PRKD3: variants seen among roughly 807,000 people sequenced by gnomAD.
PRKD3 encodes the protein serine/threonine-protein kinase D3.
Under a neutral mutation model 99.2 loss-of-function variants are expected in PRKD3, and 47 were observed. That is an observed-to-expected ratio of 0.47 (90% CI 0.38 to 0.60). The LOEUF (loss-of-function observed/expected upper bound fraction) is 0.60. Ranked by LOEUF, PRKD3 falls within the 20% of genes least tolerant of loss-of-function variation. The pLI, the probability that PRKD3 is intolerant of heterozygous loss-of-function variation, is 0.00. For missense variants in PRKD3, 1,019 were observed against 1,088.4 expected (o/e 0.94, Z 0.90); for synonymous variants, 392 against 355.4 (o/e 1.10, Z -1.16).
intron 1 of PRKD3, among the ~76,000 whole-genome samples, chr2:37,323,136 G>A (rs1267053127): frequency 1.3e-5 from 2 of 150,986 alleles, no homozygotes; most frequent in East Asian, 1.9e-4. Context: ...TTAAATCCAC[G>A]AACAGAAAGA....
chr2:37,271,639 T>C (rs1053684020), intron 12 of PRKD3, among the ~76,000 whole-genome samples: 2 of 152,228 alleles, frequency 1.3e-5, no homozygotes, highest in Non-Finnish European at 1.5e-5. Flanking sequence ...GCAGAGGCAT[T>C]AGATTCTCAG....
At chr2:37,254,548 GGCTGAAGTCTGGTTCTGCCACCTACTA>G (rs770436024) in intron 17 of PRKD3, among the ~76,000 whole-genome samples, 56 of 152,162 alleles carry the variant, frequency 3.7e-4, no homozygotes, top group Non-Finnish European at 7.6e-4. Context: ...TGACTGCCTG[GGCTGAAGTCTGGTTCTGCCACCTACTA>G]GCTGTGTGAT....
intron 16 of PRKD3, 31 bp downstream of exon 16, chr2:37,259,552 A>G (rs901568939): frequency 4.6e-6 from 7 of 1,531,094 alleles, no homozygotes; most frequent in Non-Finnish European, 6.3e-6. Flanking sequence ...TGTTGCCAGA[A>G]TCATTTAAAA....
intron 14 of PRKD3, among the ~76,000 whole-genome samples, chr2:37,261,946 A>G (rs1473298359): frequency 6.6e-6 from 1 of 152,234 alleles, no homozygotes; most frequent in African/African-American, 2.4e-5. Context: ...TACATAAGAT[A>G]TTCAACACAT....
intron 8 of PRKD3, chr2:37,279,224 G>A (rs1287309916): frequency 6.6e-6 from 1 of 152,168 alleles, no homozygotes; most frequent in Non-Finnish European, 1.5e-5. Context: ...TATGAACATA[G>A]TGGCATATTT....
At chr2:37,324,374 C>G in intron 1 of PRKD3, 1 of 255,978 alleles carries the variant, frequency 3.9e-6, no homozygotes, top group Non-Finnish European at 6.1e-6. Context: ...CCAAGTTGCC[C>G]TCCGCGCGGA....
chr2:37,304,835 T>G (rs1380021361), intron 2 of PRKD3, among the ~76,000 whole-genome samples: 1 of 152,170 alleles, frequency 6.6e-6, no homozygotes, highest in East Asian at 1.9e-4. Flanking sequence ...CAAAGCAATC[T>G]TTTTTCATTC....
At position 37,253,068 on chromosome 2, in the gene PRKD3, T is replaced by C; in HGVS notation, c.*109A>G. 8.7e-7 allele frequency: 1 copy of C among 1,154,122 alleles called. No homozygotes were observed. The highest frequency in any genetic ancestry group is 1.2e-6 in the Non-Finnish European group (1 of 831,414). The allele number at this position is 1,154,122 out of a possible 1,614,324, so 71.5% of individuals were successfully genotyped here. A position where few individuals can be genotyped will look rare whatever the true frequency, so the allele number is the denominator to read the frequency against. Reference sequence around the variant, plus strand: ...TGGTGTCACTTATTCGTTATCATATTTCTTCATATCTTTGCAGCACTGCAG... The same window carrying C: ...TGGTGTCACTTATTCGTTATCATATCTCTTCATATCTTTGCAGCACTGCAG... On this transcript the variant is annotated 3_prime_UTR_variant, in exon 19 of 19. Transcript: ENST00000234179.
At chr2:37,322,788 C>T (rs193121833) in intron 1 of PRKD3, among the ~76,000 whole-genome samples, 2 of 152,146 alleles carry the variant, frequency 1.3e-5, no homozygotes, top group African/African-American at 4.8e-5. Flanking sequence ...CAAGTTCGAT[C>T]TGAATTACAT....
At position 37,253,030 on chromosome 2, in the gene PRKD3, T is replaced by C; in HGVS notation, c.*147A>G. ...GTTTCCCGCCTGTACCTACTCATTA[T>C]GAACTACAGTACTGGTGTCACTTAT... On this transcript the variant is annotated 3_prime_UTR_variant, in exon 19 of 19. Coordinates refer to ENST00000234179, the MANE Select transcript of PRKD3 (RefSeq NM_005813.6). 2 of 706,348 alleles carry C rather than the reference T, an allele frequency of 2.8e-6. No homozygotes were observed. The highest frequency in any genetic ancestry group is 4.2e-6 in the Non-Finnish European group (2 of 472,872). 43.8% of individuals were successfully genotyped at this position (706,348 alleles called of 1,614,324 possible).
intron 14 of PRKD3, among the ~76,000 whole-genome samples, chr2:37,264,072 T>A (rs1309348377): frequency 1.3e-5 from 2 of 152,166 alleles, no homozygotes; most frequent in African/African-American, 2.4e-5. Flanking sequence ...ACATTTTACA[T>A]TACCACATAA....
In PRKD3 at chr2:37,317,190, AT is replaced by A; in HGVS notation, c.-655-12del. On this transcript the variant is annotated splice_polypyrimidine_tract_variant and intron_variant, in intron 1 of 18. Coordinates refer to ENST00000234179, the MANE Select transcript of PRKD3 (RefSeq NM_005813.6). ...TGACATATAGTTAGCCTGGAAGGAAATTTTTTAAAGGTTTTTAATACTTTAT... is the reference window on the plus strand; with the variant it reads ...TGACATATAGTTAGCCTGGAAGGAAATTTTTAAAGGTTTTTAATACTTTAT... The A allele has an allele frequency of 1.0e-6, 1 of 956,022 alleles. No homozygotes were observed. The highest frequency in any genetic ancestry group is 1.2e-6 in the Non-Finnish European group (1 of 803,114). 59.2% of individuals were successfully genotyped at this position (956,022 alleles called of 1,614,324 possible). A position where few individuals can be genotyped will look rare whatever the true frequency, so the allele number is the denominator to read the frequency against.
chr2:37,254,635 G>C (rs1294693808), intron 17 of PRKD3, among the ~76,000 whole-genome samples: 46 of 152,152 alleles, frequency 3.0e-4, no homozygotes, highest in Non-Finnish European at 2.9e-5. Flanking sequence ...TCATGAAGTT[G>C]CTGACATATG....
At chr2:37,320,542 G>A (rs1292236292) in intron 1 of PRKD3, among the ~76,000 whole-genome samples, 1 of 137,984 alleles carries the variant, frequency 7.2e-6, no homozygotes, top group Non-Finnish European at 1.5e-5. Flanking sequence ...AGCGATTCTT[G>A]TGCCTCAGCC....
intron 2 of PRKD3, among the ~76,000 whole-genome samples, chr2:37,308,753 C>CT (rs1462292143): frequency 6.6e-6 from 1 of 152,154 alleles, no homozygotes; most frequent in Non-Finnish European, 1.5e-5. Context: ...ACGCGCCCAG[C>CT]TAGTGTCAGG....
intron 12 of PRKD3, among the ~76,000 whole-genome samples, chr2:37,271,716 C>T (rs1036447214): frequency 6.6e-6 from 1 of 152,194 alleles, no homozygotes; most frequent in African/African-American, 2.4e-5. Context: ...TTATGAGAAT[C>T]TGATGATCTG....
At chr2:37,314,947 T>C (rs544389315) in intron 2 of PRKD3, among the ~76,000 whole-genome samples, 1 of 152,164 alleles carries the variant, frequency 6.6e-6, no homozygotes, top group Admixed American at 6.6e-5. Flanking sequence ...TACAAGTCAT[T>C]GTTAAAACAA....
intron 2 of PRKD3, among the ~76,000 whole-genome samples, chr2:37,312,843 C>G (rs1671496197): frequency 6.6e-6 from 1 of 152,146 alleles, no homozygotes; most frequent in Admixed American, 6.6e-5. Context: ...TTGCAGGAAC[C>G]TATCCTCCCA....
At chr2:37,278,643 A>C (rs1669689199) in intron 8 of PRKD3, 1 of 152,268 alleles carries the variant, frequency 6.6e-6, no homozygotes, top group South Asian at 2.1e-4. Context: ...CATGATTAAG[A>C]AACTAGCTAG....
Sources: gnomAD v4.1 joint callset for allele counts (sites outside exome capture counted in the v4.1 genomes callset) on GRCh38, gnomAD v4.1.1 for gene constraint, MANE v1.5 for transcripts, NCBI Gene and HGNC (gene_info 2026-07-23, HGNC 2026-07-21) for gene names.